The following COPB1 variants were observed in gnomAD, a reference collection of about 807,000 sequenced individuals.
COPB1 encodes coatomer subunit beta.
In COPB1, 21 loss-of-function variants were observed where a neutral mutation model predicts 108.7. The observed-to-expected ratio is 0.19, with a 90% CI of 0.14 to 0.28. The LOEUF (loss-of-function observed/expected upper bound fraction) is 0.28, where lower values mean the gene tolerates loss of function less well. COPB1 is among the 10% of genes least tolerant of loss of function. The pLI is 1.00. For missense variants in COPB1, 919 were observed against 1,141.3 expected (o/e 0.81, Z 2.81); for synonymous variants, 378 against 386.8 (o/e 0.98, Z 0.27).
rs1428972174 is a variant in COPB1 at position 14,469,549 on chromosome 11, C to T, written c.1752G>A (p.Glu584=). ...GGATAGTAGCCATGAGCAACATAGC[C>T]TCAGCAACAAAAGACTAAGAAAGTA... The part of the protein sequence containing the change: ...EKKKQNSFVA[E]AMLLMATILH... The change falls in exon 15 of 22, where the codon GAG becomes GAA. Residue 584 remains glutamate (E), a synonymous_variant. Transcript: ENST00000439561. The T allele has an allele frequency of 1.2e-6, 2 of 1,613,936 alleles. No individual in the cohort carries two copies. Among genetic ancestry groups the T allele is most frequent in the Non-Finnish European group, 1.7e-6 (2 of 1,179,992 alleles).
chr11:14,491,845 A>G (rs1216257247), intron 4 of COPB1, among the ~76,000 whole-genome samples: 1 of 152,236 alleles, frequency 6.6e-6, no homozygotes, highest in African/African-American at 2.4e-5. Context: ...GCATATCAAT[A>G]TATTAAGAAT....
rs751057847 is a variant in COPB1 at position 14,488,590 on chromosome 11, A to G, written c.607-6T>C. The G allele has an allele frequency of 3.5e-5, 55 of 1,580,090 alleles. No homozygotes were observed. Among genetic ancestry groups the G allele is most frequent in the Non-Finnish European group, 3.9e-5 (45 of 1,156,590 alleles). On this transcript the variant is annotated splice_polypyrimidine_tract_variant and splice_region_variant and intron_variant, in intron 5 of 21. Coordinates refer to ENST00000439561, the MANE Select transcript of COPB1 (RefSeq NM_001144061.2). ...AAGTAATCCAAAGCTCGATCCTAAA[A>G]AAAATAAGAATATATTTATCATTCT...
chr11:14,470,944 A>ACACTCTCTCTCTCT (rs1285522756), intron 14 of COPB1, among the ~76,000 whole-genome samples: 5 of 90,156 alleles, frequency 5.5e-5, no homozygotes, highest in African/African-American at 2.6e-4. Context: ...ACACACACAC[A>ACACTCTCTCTCTCT]CTCTCTCTCT....
At chr11:14,486,607 A>T (rs1451588537) in intron 6 of COPB1, 103 bp from the exon 7 acceptor site, 1 of 1,392,702 alleles carries the variant, frequency 7.2e-7, no homozygotes, top group Non-Finnish European at 9.8e-7. Flanking sequence ...TTTTCTCAAT[A>T]TGAAAGCTAA....
chr11:14,494,187 G>T, intron 3 of COPB1, 23 bp downstream of exon 3: 1 of 1,495,308 alleles, frequency 6.7e-7, no homozygotes, highest in South Asian at 1.2e-5. Context: ...GCAATATTCA[G>T]AAATAATTAT....
At chr11:14,477,389 C>CAAAAAAAAAAAAA (rs61014253) in intron 11 of COPB1, among the ~76,000 whole-genome samples, 1,015 of 73,024 alleles carry the variant, frequency 0.014, 44 homozygotes, top group Non-Finnish European at 0.015. Context: ...GACTCCGTCT[C>CAAAAAAAAAAAAA]AAAAAAAAAA....
intron 2 of COPB1, among the ~76,000 whole-genome samples, chr11:14,498,270 T>A (rs1281746871): frequency 6.6e-6 from 1 of 152,248 alleles, no homozygotes; most frequent in African/African-American, 2.4e-5. Flanking sequence ...AAGCATTTCA[T>A]GTACCCCATA....
chr11:14,476,640 T>C (rs1274954471), intron 12 of COPB1, among the ~76,000 whole-genome samples: 4 of 152,138 alleles, frequency 2.6e-5, no homozygotes, highest in Admixed American at 2.0e-4. Flanking sequence ...TATTCTACCA[T>C]AAGGTTGTTA....
intron 20 of COPB1, among the ~76,000 whole-genome samples, chr11:14,459,347 A>ATAAAT (rs1424686661): frequency 2.6e-5 from 4 of 152,362 alleles, no homozygotes; most frequent in African/African-American, 9.6e-5. Flanking sequence ...AAACTAATAT[A>ATAAAT]TAAATTAAAA....
At chr11:14,458,745 A>C in intron 20 of COPB1, 58 bp from the exon 21 acceptor site, 3 of 1,495,902 alleles carry the variant, frequency 2.0e-6, no homozygotes, top group Non-Finnish European at 1.8e-6. Context: ...AGAGGCAAAA[A>C]CCAAACAGCA....
rs769910072 is a variant in COPB1 at position 14,483,184 on chromosome 11, T to C, written c.838-33A>G. ...AAAAAAGAAATACATTTTAAGAAGT[T>C]ATTCATCTATCATAAAATTTGAAAA... is the stretch of plus-strand genomic sequence containing the variant. On this transcript the variant is annotated intron_variant, in intron 7 of 21. Transcript: ENST00000439561. The C allele has an allele frequency of 2.7e-6, 4 of 1,476,756 alleles. No individual in the cohort carries two copies. In the East Asian group the frequency reaches 9.5e-5, roughly 35 times the overall value. The allele number at this position is 1,476,756 out of a possible 1,614,324, so 91.5% of individuals were successfully genotyped here.
rs747050845 is a variant in COPB1 at position 14,498,888 on chromosome 11, A to C, written c.41T>G (p.Val14Gly). The change falls in exon 2 of 22, where the codon GTG becomes GGG. Residue 14 changes from valine (V) to glycine (G), a missense_variant. Coordinates refer to ENST00000439561, the MANE Select transcript of COPB1 (RefSeq NM_001144061.2). ...AGATGGTGGTTCTGAATCCATTGGC[A>C]CGTTAATTAACGTGTAGCATACGTT... ...AENVCYTLIN[V>G]PMDSEPPSEI... The C allele has an allele frequency of 6.2e-7, 1 of 1,611,340 alleles. No individual in the cohort carries two copies. The highest frequency in any genetic ancestry group is 1.1e-5 in the South Asian group (1 of 90,032).
At chr11:14,483,270 CCAAA>C in intron 7 of COPB1, 119 bp from the exon 8 acceptor site, 1 of 538,746 alleles carries the variant, frequency 1.9e-6, no homozygotes, top group Non-Finnish European at 3.1e-6. Flanking sequence ...TCCCATGAAG[CCAAA>C]ATACACTCAT....
Position 14,490,683 on chromosome 11 carries a change from T to A in COPB1, c.492-4A>T. 6.6e-7 allele frequency: 1 copy of A among 1,525,736 alleles called. No homozygotes were observed. Among genetic ancestry groups the A allele is most frequent in the Non-Finnish European group, 9.0e-7 (1 of 1,106,702 alleles). 94.5% of individuals were successfully genotyped at this position (1,525,736 alleles called of 1,614,324 possible). The stretch of plus-strand genomic sequence containing the variant: ...AGGTATAAGATGTTCAAAATTTCTT[T>A]AAATAAAACAGGTAACATCCATATT... On this transcript the variant is annotated splice_polypyrimidine_tract_variant and splice_region_variant and intron_variant, in intron 4 of 21. Transcript: ENST00000439561.
intron 10 of COPB1, among the ~76,000 whole-genome samples, chr11:14,480,215 A>T (rs1850631871): frequency 6.6e-6 from 1 of 152,248 alleles, no homozygotes; most frequent in African/African-American, 2.4e-5. Flanking sequence ...AGCAAAATTT[A>T]TTTTAAAATT....
chr11:14,469,465 T>C lies in COPB1; in HGVS notation c.1836A>G (p.Arg612=), dbSNP rs768074101. The change falls in exon 15 of 22, where the codon CGA becomes CGG. Residue 612 remains arginine (R), a synonymous_variant. Coordinates refer to ENST00000439561, the MANE Select transcript of COPB1 (RefSeq NM_001144061.2). ...KKPITDDDVD[R]ISLCLKVLSE... ...ACAAGACCTTGAGGCACAGGGAAATTCGATCCACATCATCATCAGTAATTG... is the reference window on the plus strand; with the variant it reads ...ACAAGACCTTGAGGCACAGGGAAATCCGATCCACATCATCATCAGTAATTG... The C allele has an allele frequency of 1.6e-4, 263 of 1,614,066 alleles. 2 individuals carry two copies. The East Asian group carries it at 5.7e-3, about 35-fold the overall frequency.
rs1488183976 is a variant in COPB1 at position 14,464,979 on chromosome 11, T to G, written c.2342A>C (p.Asp781Ala). Residue 781 changes from aspartate to alanine, a missense_variant, in exon 18 of 22, where the codon GAC becomes GCC. Physicochemically the swap from Asp to Ala is moderately radical, Grantham distance 126. This residue lies in a region of COPB1 where 705 missense variants were observed against 817.8 expected (regional missense o/e 0.86). Transcript: ENST00000439561. Reference sequence around the variant, plus strand: ...GACGTTAGCTTTAATATTTGCGAAGTCATGAGGAGCAAGAGTCAAAGGAGA... The same window carrying G: ...GACGTTAGCTTTAATATTTGCGAAGGCATGAGGAGCAAGAGTCAAAGGAGA... Reference protein sequence around the residue: ...KPSPLTLAPHDFANIKANVKV... With the variant: ...KPSPLTLAPHAFANIKANVKV... 6.2e-7 allele frequency: 1 copy of G among 1,613,396 alleles called. No individual in the cohort carries two copies. The highest frequency in any genetic ancestry group is 2.2e-5 in the East Asian group (1 of 44,826).
intron 14 of COPB1, among the ~76,000 whole-genome samples, chr11:14,470,186 A>C (rs999186950): frequency 6.6e-6 from 1 of 152,190 alleles, no homozygotes; most frequent in Admixed American, 6.5e-5. Flanking sequence ...TATCCCTCTT[A>C]ATCTAGACCA....
chr11:14,473,722 A>C (rs1850459094), intron 14 of COPB1, among the ~76,000 whole-genome samples: 1 of 152,176 alleles, frequency 6.6e-6, no homozygotes, highest in Non-Finnish European at 1.5e-5. Flanking sequence ...AAAAAGTTTG[A>C]AATATTGTGA....
Sources: allele counts gnomAD v4.1 joint callset (sites outside exome capture counted in the v4.1 genomes callset), GRCh38; gene constraint gnomAD v4.1.1; regional missense constraint gnomAD v4.1.1; transcripts MANE v1.5; gene names NCBI Gene and HGNC (gene_info 2026-07-23, HGNC 2026-07-21).